GCNT1: variants seen among roughly 807,000 people sequenced by gnomAD.
GCNT1 encodes the protein glucosaminyl (N-acetyl) transferase 1.
A neutral mutation model predicts 26.2 loss-of-function variants in GCNT1; 16 were observed. The ratio of observed to expected loss-of-function variants is 0.61; its 90% CI spans 0.41 to 0.93. GCNT1 has a LOEUF of 0.93. Ranked by LOEUF, GCNT1 falls within the 40% of genes least tolerant of loss-of-function variation. The pLI, the probability that GCNT1 is intolerant of heterozygous loss-of-function variation, is 0.00. For synonymous variants in GCNT1, 183 were observed against 190.8 expected, an observed-to-expected ratio of 0.96 and a Z score of 0.34; for missense variants, 477 against 526.7, an observed-to-expected ratio of 0.91 and a Z score of 0.92.
upstream of GCNT1, among the ~76,000 whole-genome samples, chr9:76,458,019 T>A (rs1823787906): frequency 6.6e-6 from 1 of 152,136 alleles, no homozygotes; most frequent in African/African-American, 2.4e-5. Context: ...CTCTTGTTAA[T>A]CTACCTGCAG....
At chr9:76,398,221 A>C in the GCNT1 span, among the ~76,000 whole-genome samples, 1 of 152,248 alleles carries the variant, frequency 6.6e-6, no homozygotes, top group Non-Finnish European at 1.5e-5. Flanking sequence ...GTAAGCAATG[A>C]AAAATGAATC....
At chr9:76,402,025 T>C in the GCNT1 span, among the ~76,000 whole-genome samples, 1 of 152,214 alleles carries the variant, frequency 6.6e-6, no homozygotes, top group Admixed American at 6.5e-5. Context: ...TTAGCAAAGC[T>C]TATTAACGTA....
the GCNT1 span, chr9:76,399,284 G>A: frequency 1.6e-5 from 22 of 1,419,104 alleles, no homozygotes; most frequent in Admixed American, 8.4e-5. Flanking sequence ...CCACCCGTGG[G>A]AGGTCATGCC....
intron 2 of GCNT1, among the ~76,000 whole-genome samples, chr9:76,467,044 C>CT (rs368874355): frequency 0.11 from 15,923 of 146,788 alleles, 933 homozygotes; most frequent in Middle Eastern, 0.22. Context: ...CTCAGCTGAT[C>CT]TTTTTTTTTT....
chr9:76,460,474 T>G (rs1823848028), intron 2 of GCNT1, among the ~76,000 whole-genome samples: 1 of 152,152 alleles, frequency 6.6e-6, no homozygotes, highest in African/African-American at 2.4e-5. Context: ...AAAGGCCGGT[T>G]TGTTTTATAG....
At chr9:76,428,265 C>CAAAAAAAAAAAAAAAAAAAAAA (rs869195487) in intron 1 of GCNT1, among the ~76,000 whole-genome samples, 2 of 29,770 alleles carry the variant, frequency 6.7e-5, no homozygotes, top group African/African-American at 2.0e-4. Context: ...GACTCCGTCT[C>CAAAAAAAAAAAAAAAAAAAAAA]AAAAAAAAAA....
intron 2 of GCNT1, among the ~76,000 whole-genome samples, chr9:76,470,020 CATACTT>C (rs904940785): frequency 4.6e-5 from 7 of 152,194 alleles, no homozygotes; most frequent in African/African-American, 9.6e-5. Flanking sequence ...TTTAAATAAA[CATACTT>C]ATATTAAGGG....
intron 2 of GCNT1, 145 bp from the exon 3 acceptor site, chr9:76,500,771 G>A (rs971332077): frequency 3.9e-4 from 59 of 151,986 alleles, no homozygotes; most frequent in African/African-American, 1.4e-3. Flanking sequence ...CTAGAGAGAA[G>A]GAAATTTTAA....
chr9:76,394,028 T>C, the GCNT1 span: 2 of 1,491,950 alleles, frequency 1.3e-6, no homozygotes, highest in South Asian at 2.4e-5. Flanking sequence ...AGTCCCCGGC[T>C]GCCGTCTCTC....
chr9:76,496,975 T>C (rs1419900164), intron 2 of GCNT1, among the ~76,000 whole-genome samples: 1 of 152,206 alleles, frequency 6.6e-6, no homozygotes, highest in Non-Finnish European at 1.5e-5. Flanking sequence ...TAGGCAGGCC[T>C]TGGGCGAGTG....
At chr9:76,402,781 G>A in the GCNT1 span, among the ~76,000 whole-genome samples, 1 of 151,678 alleles carries the variant, frequency 6.6e-6, no homozygotes, top group Non-Finnish European at 1.5e-5. Context: ...CTGGGTTCAA[G>A]TGATTCTCCT....
chr9:76,424,100 G>T (rs1823231963), intron 1 of GCNT1, among the ~76,000 whole-genome samples: 1 of 152,228 alleles, frequency 6.6e-6, no homozygotes, highest in African/African-American at 2.4e-5. Flanking sequence ...AAGCCAGCAG[G>T]AGTGGGGGAA....
chr9:76,471,006 G>A (rs1015787494), intron 2 of GCNT1, among the ~76,000 whole-genome samples: 2 of 152,206 alleles, frequency 1.3e-5, no homozygotes, highest in Admixed American at 6.5e-5. Context: ...TGGAGCCCCT[G>A]ATCTCATCCA....
chr9:76,488,098 G>A (rs1029433031), intron 2 of GCNT1, among the ~76,000 whole-genome samples: 1 of 152,140 alleles, frequency 6.6e-6, no homozygotes, highest in Non-Finnish European at 1.5e-5. Context: ...TTTTGCTTCT[G>A]AATCCATTTG....
At position 76,482,393 on chromosome 9, in the gene GCNT1, G is replaced by A. The variant is rs113641898; in HGVS notation, c.-289-18523G>A. ...TCCCAGCACTTTGGGAGGCTGAGGC[G>A]GGCGGATCACGAGGTCAGGAGATCG... is the stretch of plus-strand genomic sequence containing the variant. On this transcript the variant is annotated intron_variant, in intron 2 of 3. Coordinates refer to ENST00000376730, the MANE Select transcript of GCNT1 (RefSeq NM_001490.5). Among the ~76,000 whole-genome samples, 1,443 of 151,850 alleles carry A rather than the reference G, an allele frequency of 9.5e-3. 21 individuals carry two copies. The highest frequency in any genetic ancestry group is 0.033 in the African/African-American group (1,371 of 41,418).
chr9:76,439,699 C>G (rs1424147698), upstream of GCNT1, among the ~76,000 whole-genome samples: 2 of 152,096 alleles, frequency 1.3e-5, no homozygotes, highest in Non-Finnish European at 2.9e-5. Flanking sequence ...ACAGTGCTCT[C>G]CTTGCACTAA....
At chr9:76,414,252 T>G in the GCNT1 span, among the ~76,000 whole-genome samples, 11 of 152,358 alleles carry the variant, frequency 7.2e-5, no homozygotes, top group East Asian at 2.1e-3. Context: ...TGCCTTTTAG[T>G]GTGCCTTGTC....
chr9:76,397,650 G>T, the GCNT1 span, among the ~76,000 whole-genome samples: 3 of 152,020 alleles, frequency 2.0e-5, no homozygotes, highest in Admixed American at 6.5e-5. Context: ...CATCATGTTG[G>T]CCAGGCTGTT....
chr9:76,452,457 G>A (rs182185780), intron 1 of GCNT1, among the ~76,000 whole-genome samples: 2 of 152,242 alleles, frequency 1.3e-5, no homozygotes, highest in Admixed American at 1.3e-4. Flanking sequence ...CTGAGACTGG[G>A]TAATTTATAA....
Sources: gnomAD v4.1 joint callset for allele counts (sites outside exome capture counted in the v4.1 genomes callset) on GRCh38, gnomAD v4.1.1 for gene constraint, MANE v1.5 for transcripts, NCBI Gene and HGNC (gene_info 2026-07-23, HGNC 2026-07-21) for gene names.